Variants in RAB27A observed in about 807,000 individuals in gnomAD.
RAB27A encodes ras-related protein Rab-27A.
Under a neutral mutation model 20.8 loss-of-function variants are expected in RAB27A, and 17 were observed. The observed-to-expected ratio is 0.82, with a 90% CI of 0.56 to 1.23. The LOEUF is 1.23. Ranked by LOEUF, RAB27A falls within the 50% of genes most tolerant of loss-of-function variation. RAB27A has a pLI of 0.00. For synonymous variants in RAB27A, 85 were observed against 92.8 expected, an observed-to-expected ratio of 0.92 and a Z score of 0.48; for missense variants, 277 against 266.7, an observed-to-expected ratio of 1.04 and a Z score of -0.27.
intron 1 of RAB27A, among the ~76,000 whole-genome samples, chr15:55,315,439 G>A (rs1248045088): frequency 6.6e-6 from 1 of 152,164 alleles, no homozygotes; most frequent in East Asian, 1.9e-4. Context: ...CTTCTGCCTA[G>A]CAAAAGAAAC....
chr15:55,211,013 A>G (rs1338007411), intron 6 of RAB27A, among the ~76,000 whole-genome samples: 1 of 152,136 alleles, frequency 6.6e-6, no homozygotes, highest in African/African-American at 2.4e-5. Context: ...TCATTTATTG[A>G]AGAGAATGTC....
intron 2 of RAB27A, among the ~76,000 whole-genome samples, chr15:55,252,666 TGATA>T (rs1023574356): frequency 2.0e-5 from 3 of 151,620 alleles, no homozygotes; most frequent in Non-Finnish European, 4.4e-5. Context: ...AGCTATTGAT[TGATA>T]GACAGACAGA....
At chr15:55,226,349 C>A (rs770497849) in intron 5 of RAB27A, among the ~76,000 whole-genome samples, 14 of 152,070 alleles carry the variant, frequency 9.2e-5, no homozygotes, top group Non-Finnish European at 1.9e-4. Context: ...CTCAAGAGGG[C>A]ATGGAGAGAT....
At chr15:55,259,434 G>A (rs1897198428) in intron 2 of RAB27A, among the ~76,000 whole-genome samples, 1 of 151,012 alleles carries the variant, frequency 6.6e-6, no homozygotes, top group Non-Finnish European at 1.5e-5. Context: ...ACAAGCATGA[G>A]TCGCCACGCC....
At chr15:55,225,928 C>A (rs1274099399) in intron 5 of RAB27A, among the ~76,000 whole-genome samples, 3 of 152,118 alleles carry the variant, frequency 2.0e-5, no homozygotes, top group Non-Finnish European at 4.4e-5. Flanking sequence ...TACAGAGAAT[C>A]TCACAGAGGC....
At chr15:55,294,539 G>A (rs1435153129), upstream of RAB27A, among the ~76,000 whole-genome samples, 3 of 124,404 alleles carry the variant, frequency 2.4e-5, no homozygotes, top group Non-Finnish European at 4.7e-5. Flanking sequence ...AGTGAGCCAA[G>A]ATCGTGCCAC....
intron 6 of RAB27A, among the ~76,000 whole-genome samples, chr15:55,213,552 A>C (rs1031923285): frequency 1.4e-4 from 22 of 152,222 alleles, no homozygotes; most frequent in Admixed American, 3.3e-4. Context: ...GCAGGGGGCC[A>C]GCGAGCAAGC....
intron 2 of RAB27A, among the ~76,000 whole-genome samples, chr15:55,253,556 A>G (rs1896973948): frequency 6.6e-6 from 1 of 152,198 alleles, no homozygotes; most frequent in Non-Finnish European, 1.5e-5. Context: ...GTTAGAACTT[A>G]GTCCCCCAAG....
intron 2 of RAB27A, among the ~76,000 whole-genome samples, chr15:55,304,387 T>C (rs1454408920): frequency 6.6e-6 from 1 of 151,376 alleles, no homozygotes; most frequent in Non-Finnish European, 1.5e-5. Flanking sequence ...GTTTATCTGC[T>C]GACCTTCCCT....
upstream of RAB27A, chr15:55,289,952 C>G (rs1366432734): frequency 6.6e-6 from 1 of 152,150 alleles, no homozygotes; most frequent in Non-Finnish European, 1.5e-5. Context: ...GCGCTCTCCC[C>G]GGCGGCCGCG....
intron 1 of RAB27A, among the ~76,000 whole-genome samples, chr15:55,272,383 A>G (rs1274455151): frequency 1.3e-5 from 2 of 152,212 alleles, no homozygotes; most frequent in Admixed American, 6.5e-5. Context: ...TGGGTGACAG[A>G]GTGAGACTCC....
At position 55,203,861 on chromosome 15, in the gene RAB27A, T is replaced by C. The variant is rs1222403615; in HGVS notation, c.*1646A>G. ...TATGTAAAATTTTACCAACCATGGATAAGTTTGTTATGGGAGTAGTGGAAG... is the reference window on the plus strand; with the variant it reads ...TATGTAAAATTTTACCAACCATGGACAAGTTTGTTATGGGAGTAGTGGAAG... On this transcript the variant is annotated 3_prime_UTR_variant, in exon 7 of 7. Transcript: ENST00000336787. 6.6e-6 allele frequency: 1 copy of C among 152,040 alleles called. No homozygotes were observed. Among genetic ancestry groups the C allele is most frequent in the Non-Finnish European group, 1.5e-5 (1 of 68,006 alleles). 9.4% of individuals were successfully genotyped at this position (152,040 alleles called of 1,614,324 possible).
At chr15:55,316,357 A>G (rs896699450) in intron 1 of RAB27A, among the ~76,000 whole-genome samples, 2 of 149,308 alleles carry the variant, frequency 1.3e-5, no homozygotes, top group Admixed American at 6.7e-5. Context: ...GTTCTCACTC[A>G]TAAGTGAGAG....
chr15:55,274,829 T>TATATATATATATAG (rs1244330728), intron 1 of RAB27A, among the ~76,000 whole-genome samples: 2 of 139,002 alleles, frequency 1.4e-5, no homozygotes, highest in Non-Finnish European at 3.1e-5. Context: ...TATATATGTA[T>TATATATATATATAG]AGAGAGAGAC....
rs1381749402 is a variant in RAB27A at position 55,234,902 on chromosome 15, C to T, written c.33G>A (p.Lys11=). MSDGDYDYLI[K]FLALGDSGVG... is the part of the protein sequence containing the mutation. ...CACCAGAGTCTCCCAAAGCTAAAAA[C>T]TTGATGAGGTAATCATAATCTCCAT... The change falls in exon 3 of 7, where the codon AAG becomes AAA. Residue 11 remains lysine (K), a synonymous_variant. Coordinates refer to ENST00000336787, the MANE Select transcript of RAB27A (RefSeq NM_183235.3). 5 of 1,612,750 alleles carry T rather than the reference C, an allele frequency of 3.1e-6. No individual in the cohort carries two copies. In the African/African-American group the frequency reaches 6.7e-5, roughly 22 times the overall value.
intron 2 of RAB27A, among the ~76,000 whole-genome samples, chr15:55,307,042 C>T (rs932681882): frequency 2.0e-5 from 3 of 152,026 alleles, no homozygotes; most frequent in African/African-American, 7.2e-5. Flanking sequence ...TCCAAGACTC[C>T]ACTCCAGCCA....
chr15:55,250,178 G>A (rs1896835197), intron 2 of RAB27A, among the ~76,000 whole-genome samples: 1 of 151,980 alleles, frequency 6.6e-6, no homozygotes, highest in Non-Finnish European at 1.5e-5. Context: ...TGGCCAGGCT[G>A]GTCTCAAACT....
intron 2 of RAB27A, among the ~76,000 whole-genome samples, chr15:55,296,554 T>C (rs2054950351): frequency 6.6e-6 from 1 of 152,136 alleles, no homozygotes. Context: ...AGGAAAAAGA[T>C]GAGCCAGAAA....
rs1894595446 is a variant in RAB27A at position 55,205,473 on chromosome 15, G to C, written c.*34C>G. ...ATCATAGAGAAGATCCCAGGCATGG[G>C]CCACCTGAACTACTATGTCGCTTAC... On this transcript the variant is annotated 3_prime_UTR_variant, in exon 7 of 7. Coordinates refer to ENST00000336787, the MANE Select transcript of RAB27A (RefSeq NM_183235.3). 6.3e-7 allele frequency: 1 copy of C among 1,595,570 alleles called. No individual in the cohort carries two copies.
Sources: allele counts gnomAD v4.1 joint callset (sites outside exome capture counted in the v4.1 genomes callset), GRCh38; gene constraint gnomAD v4.1.1; transcripts MANE v1.5; gene names NCBI Gene and HGNC (gene_info 2026-07-23, HGNC 2026-07-21).